SLC13A5: variants seen among roughly 807,000 people sequenced by gnomAD.
SLC13A5 encodes the protein Na(+)/citrate cotransporter.
A neutral mutation model predicts 56.5 loss-of-function variants in SLC13A5; 25 were observed. The ratio of observed to expected loss-of-function variants is 0.44; its 90% CI spans 0.32 to 0.62. The LOEUF is 0.62. SLC13A5 is among the 20% of genes least tolerant of loss of function. The pLI is 0.04. For missense variants in SLC13A5, 649 were observed against 737.8 expected (o/e 0.88, Z 1.39); for synonymous variants, 307 against 301.5 (o/e 1.02, Z -0.19).
At chr17:6,699,510 G>A (rs1191134336) in intron 6 of SLC13A5, among the ~76,000 whole-genome samples, 9 of 151,904 alleles carry the variant, frequency 5.9e-5, no homozygotes, top group South Asian at 2.1e-4. Flanking sequence ...TTGCTCTGTC[G>A]CCCAGGCTGG....
chr17:6,713,362 C>G lies in SLC13A5; in HGVS notation c.-29G>C. 6.2e-7 allele frequency: 1 copy of G among 1,601,310 alleles called. No homozygotes were observed. Among genetic ancestry groups the G allele is most frequent in the Non-Finnish European group, 8.5e-7 (1 of 1,169,936 alleles). On this transcript the variant is annotated 5_prime_UTR_variant, in exon 1 of 12. Transcript: ENST00000433363. The surrounding 1 kb of genome is among the most constrained non-coding windows in gnomAD (Gnocchi z 7.3). ...GCGGGAGGGAGACTGGCGGGCGAGA[C>G]GAGTGAGGGGCAGCTAGAGGCGCCG...
chr17:6,695,217 G>A (rs1034169207), intron 7 of SLC13A5, among the ~76,000 whole-genome samples: 3 of 152,146 alleles, frequency 2.0e-5, no homozygotes, highest in Admixed American at 6.5e-5. Context: ...TCTTATTGTG[G>A]AGCTTGGTCA....
At chr17:6,691,024 C>A (rs532749638) in intron 9 of SLC13A5, 84 bp from the exon 10 acceptor site, 1 of 1,445,804 alleles carries the variant, frequency 6.9e-7, no homozygotes, top group African/African-American at 1.4e-5. Context: ...CCCATCCTCC[C>A]CTCCCGACCC....
At chr17:6,708,300 T>A (rs946082757) in intron 1 of SLC13A5, among the ~76,000 whole-genome samples, 2 of 152,192 alleles carry the variant, frequency 1.3e-5, no homozygotes, top group Non-Finnish European at 2.9e-5. Flanking sequence ...TCCCTGCGCC[T>A]CTTCTATAGT....
rs1293770078 is a variant in SLC13A5 at position 6,701,203 on chromosome 17, A to T, written c.717-77T>A. 3.2e-6 allele frequency: 5 copies of T among 1,584,638 alleles called. No individual in the cohort carries two copies. In the African/African-American group the frequency reaches 6.7e-5, roughly 21 times the overall value. On this transcript the variant is annotated intron_variant, in intron 5 of 11. Transcript: ENST00000433363. The surrounding 1 kb of genome is among the most constrained non-coding windows in gnomAD (Gnocchi z 4.1). ...CTGGCCCTGTGCGTGGGGACGGAGC[A>T]GCAGCTGGGCCCTGAGAGGCGCGCC...
chr17:6,687,502 G>C lies in SLC13A5; in HGVS notation c.1575+27C>G. The C allele has an allele frequency of 6.2e-7, 1 of 1,612,884 alleles. No individual in the cohort carries two copies. Among genetic ancestry groups the C allele is most frequent in the Non-Finnish European group, 8.5e-7 (1 of 1,179,564 alleles). ...TATGACAACAGCGTTATAGTCCGAC[G>C]GGAGTAAATAAAAACAGCTGTGTTA... On this transcript the variant is annotated intron_variant, in intron 11 of 11. Coordinates refer to ENST00000433363, the MANE Select transcript of SLC13A5 (RefSeq NM_177550.5). This position sits in a 1 kb window ranked among gnomAD's most constrained non-coding sequence, Gnocchi z 5.0.
chr17:6,686,409 G>A (rs1772722782), intron 11 of SLC13A5, 71 bp from the exon 12 acceptor site: 4 of 1,598,480 alleles, frequency 2.5e-6, no homozygotes. Flanking sequence ...AGGACAAAGG[G>A]TCGGCTCACT....
chr17:6,703,727 A>T, intron 4 of SLC13A5, 151 bp downstream of exon 4: 3 of 762,924 alleles, frequency 3.9e-6, no homozygotes, highest in Non-Finnish European at 6.0e-6. Context: ...AAAACTTAGG[A>T]CAACAGTATT....
chr17:6,686,058 A>C lies in SLC13A5; in HGVS notation c.*149T>G. On this transcript the variant is annotated 3_prime_UTR_variant, in exon 12 of 12. Coordinates refer to ENST00000433363, the MANE Select transcript of SLC13A5 (RefSeq NM_177550.5). ...CATCTCTGCATCTGGGCTTGGAGGA[A>C]GAGGTGGCCCATTGGCTGGGTTTTG... The C allele has an allele frequency of 1.8e-6, 2 of 1,082,968 alleles. No individual in the cohort carries two copies. The highest frequency in any genetic ancestry group is 2.7e-6 in the Non-Finnish European group (2 of 746,006). 67.1% of individuals were successfully genotyped at this position (1,082,968 alleles called of 1,614,324 possible). A position where few individuals can be genotyped will look rare whatever the true frequency, so the allele number is the denominator to read the frequency against.
chr17:6,699,137 T>C (rs909514286), intron 6 of SLC13A5, among the ~76,000 whole-genome samples: 14 of 152,078 alleles, frequency 9.2e-5, no homozygotes, highest in Admixed American at 6.5e-4. Context: ...CTCGAAATCA[T>C]GTCTGGCACA....
Position 6,703,893 on chromosome 17 carries a change from C to A in SLC13A5, c.532G>T (p.Ala178Ser). The A allele has an allele frequency of 6.4e-7, 1 of 1,563,084 alleles. No individual in the cohort carries two copies. Among genetic ancestry groups the A allele is most frequent in the Non-Finnish European group, 8.7e-7 (1 of 1,152,944 alleles). Reference protein sequence around the residue: ...AGLELVDKGKAKELPGSQVIF... With the variant: ...AGLELVDKGKSKELPGSQVIF... ...AGGGGCTCACCTGGCAGCTCCTTGGCCTTGCCCTTGTCCACCAGCTCCAGG... is the reference window on the plus strand; with the variant it reads ...AGGGGCTCACCTGGCAGCTCCTTGGACTTGCCCTTGTCCACCAGCTCCAGG... Residue 178 changes from alanine to serine, a missense_variant, in exon 4 of 12, where the codon GCC (alanine) becomes TCC (serine). Ala to Ser is a moderately conservative substitution (Grantham distance 99). Transcript: ENST00000433363.
At chr17:6,695,202 T>G (rs1459789866) in intron 7 of SLC13A5, among the ~76,000 whole-genome samples, 2 of 152,130 alleles carry the variant, frequency 1.3e-5, no homozygotes, top group Non-Finnish European at 2.9e-5. Context: ...AGGAACACAT[T>G]AGGGTCTTAT....
chr17:6,694,434 T>C (rs1441240807), intron 7 of SLC13A5, among the ~76,000 whole-genome samples: 1 of 151,944 alleles, frequency 6.6e-6, no homozygotes, highest in East Asian at 1.9e-4. Flanking sequence ...CTGGCCAACA[T>C]AGTGAAACCC....
chr17:6,697,009 G>GA (rs909521342), intron 6 of SLC13A5, among the ~76,000 whole-genome samples: 2 of 152,128 alleles, frequency 1.3e-5, no homozygotes, highest in Non-Finnish European at 2.9e-5. Flanking sequence ...TCAGGGGTCA[G>GA]AAAAGGAGGC....
Position 6,692,005 on chromosome 17 carries a change from C to T in SLC13A5, c.1275+1039G>A, listed in dbSNP as rs1176985824. Among the ~76,000 whole-genome samples, 1 of 152,178 alleles carries T rather than the reference C, an allele frequency of 6.6e-6. No individual in the cohort carries two copies. The highest frequency in any genetic ancestry group is 1.5e-5 in the Non-Finnish European group (1 of 68,044). On this transcript the variant is annotated intron_variant, in intron 9 of 11. Coordinates refer to ENST00000433363, the MANE Select transcript of SLC13A5 (RefSeq NM_177550.5). This position sits in a 1 kb window ranked among gnomAD's most constrained non-coding sequence, Gnocchi z 5.5. Reference sequence around the variant, plus strand: ...CCTGAAATGCCCTTTCATATATGTGCCCCTCCCTAGTCTGTGAAGTCTGCC... The same window carrying T: ...CCTGAAATGCCCTTTCATATATGTGTCCCTCCCTAGTCTGTGAAGTCTGCC...
At chr17:6,703,494 G>A (rs1055916778) in intron 4 of SLC13A5, among the ~76,000 whole-genome samples, 1 of 152,192 alleles carries the variant, frequency 6.6e-6, no homozygotes, top group African/African-American at 2.4e-5. Context: ...AGACCTATGG[G>A]AGCAGAGAGT....
At position 6,707,063 on chromosome 17, in the gene SLC13A5, G is replaced by A; in HGVS notation, c.196C>T (p.Leu66Phe). Residue 66 changes from leucine (L) to phenylalanine (F), a missense_variant, in exon 2 of 12, where the codon CTT becomes TTT. By Grantham distance (22) the Leu-to-Phe change is conservative. Transcript: ENST00000433363. Reference sequence around the variant, plus strand: ...TCCAGAATCTGGAAGAGTGGGAAAAGCAAGACAGGCATGAGAGAGGTGACA... The same window carrying A: ...TCCAGAATCTGGAAGAGTGGGAAAAACAAGACAGGCATGAGAGAGGTGACA... Reference protein sequence around the residue: ...LAVTSLMPVLLFPLFQILDSR... With the variant: ...LAVTSLMPVLFFPLFQILDSR... The A allele has an allele frequency of 6.2e-7, 1 of 1,614,090 alleles. No homozygotes were observed. The highest frequency in any genetic ancestry group is 8.5e-7 in the Non-Finnish European group (1 of 1,180,024).
chr17:6,695,776 G>T lies in SLC13A5; in HGVS notation c.1005C>A (p.Pro335=), dbSNP rs56224509. The change falls in exon 7 of 12, where the codon CCC becomes CCA. Residue 335 remains proline (P), a synonymous_variant. Coordinates refer to ENST00000433363, the MANE Select transcript of SLC13A5 (RefSeq NM_177550.5). ...CAGTCAGCCAGCCGGGCATGAAGCC[G>T]GGGTCTCGGGAGAACCACAGGATGA... ...LLVILWFSRD[P]GFMPGWLTVA... 1.4e-5 allele frequency: 22 copies of T among 1,614,100 alleles called. No individual in the cohort carries two copies. The Middle Eastern group carries it at 3.0e-3, about 218-fold the overall frequency.
chr17:6,687,552 C>T lies in SLC13A5; in HGVS notation c.1552G>A (p.Gly518Arg). The T allele has an allele frequency of 6.2e-7, 1 of 1,613,316 alleles. No individual in the cohort carries two copies. The highest frequency in any genetic ancestry group is 8.5e-7 in the Non-Finnish European group (1 of 1,179,804). The change falls in exon 11 of 12, where the codon GGG becomes AGG. Residue 518 changes from glycine to arginine, a missense_variant. Physicochemically the swap from Gly to Arg is moderately radical, Grantham distance 125 (BLOSUM62 -2). Coordinates refer to ENST00000433363, the MANE Select transcript of SLC13A5 (RefSeq NM_177550.5). This position sits in a 1 kb window ranked among gnomAD's most constrained non-coding sequence, Gnocchi z 5.0. ...ACCATGTCAGCAACCTTGAGGTGCC[C>T]ATAGGTGAACACGATGGCATTTGGA... is the stretch of plus-strand genomic sequence containing the variant. The part of the protein sequence containing the change: ...TPPNAIVFTY[G>R]HLKVADMVKT...
Sources: allele counts gnomAD v4.1 joint callset (sites outside exome capture counted in the v4.1 genomes callset), GRCh38; gene constraint gnomAD v4.1.1; non-coding constraint Gnocchi (gnomAD v3.1); transcripts MANE v1.5; gene names NCBI Gene and HGNC (gene_info 2026-07-23, HGNC 2026-07-21).